CACNB2: variants seen among roughly 807,000 people sequenced by gnomAD.
CACNB2 encodes calcium voltage-gated channel auxiliary subunit beta 2, also known as voltage-dependent L-type calcium channel subunit beta-2.
CACNB2 carries 42 observed loss-of-function variants against 73.3 expected under a neutral mutation model. The observed-to-expected ratio is 0.57, with a 90% confidence interval of 0.45 to 0.74. CACNB2 has a LOEUF of 0.74. Ranked by LOEUF, CACNB2 falls within the 30% of genes least tolerant of loss-of-function variation. CACNB2 has a pLI of 0.00. For missense variants in CACNB2, 940 were observed against 853.0 expected (o/e 1.10, Z -1.27); for synonymous variants, 348 against 310.3 (o/e 1.12, Z -1.28).
intron 2 of CACNB2, among the ~76,000 whole-genome samples, chr10:18,389,206 AGTTCACT>A (rs2043359939): frequency 6.6e-6 from 1 of 152,164 alleles, no homozygotes; most frequent in Non-Finnish European, 1.5e-5. Flanking sequence ...TGGCATGATC[AGTTCACT>A]GTAGCCTTGA....
At chr10:18,303,947 T>G (rs1385037425) in intron 2 of CACNB2, among the ~76,000 whole-genome samples, 1 of 152,156 alleles carries the variant, frequency 6.6e-6, no homozygotes, top group African/African-American at 2.4e-5. Flanking sequence ...CCGCCAGTGT[T>G]TTTATTTTTT....
intron 2 of CACNB2, among the ~76,000 whole-genome samples, chr10:18,287,192 G>A (rs1351563756): frequency 6.6e-6 from 1 of 152,002 alleles, no homozygotes; most frequent in Admixed American, 6.6e-5. Context: ...AACCAGGCAT[G>A]GTGGCTTGTG....
intron 2 of CACNB2, among the ~76,000 whole-genome samples, chr10:18,320,566 C>A (rs1019643652): frequency 6.6e-6 from 1 of 152,120 alleles, no homozygotes; most frequent in Non-Finnish European, 1.5e-5. Context: ...ATTTAGACTG[C>A]GGGGACATAA....
intron 2 of CACNB2, among the ~76,000 whole-genome samples, chr10:18,365,019 T>A (rs1481180476): frequency 6.6e-6 from 1 of 152,152 alleles, no homozygotes; most frequent in South Asian, 2.1e-4. Context: ...TAGAAAGAGG[T>A]GTATAAATTA....
chr10:18,374,636 G>A (rs2042720314), intron 2 of CACNB2, among the ~76,000 whole-genome samples: 1 of 152,156 alleles, frequency 6.6e-6, no homozygotes, highest in Non-Finnish European at 1.5e-5. Flanking sequence ...ATCTTTTGAA[G>A]TCCTTTGTCA....
At chr10:18,223,148 C>A (rs2035859119) in intron 2 of CACNB2, among the ~76,000 whole-genome samples, 1 of 152,138 alleles carries the variant, frequency 6.6e-6, no homozygotes, top group African/African-American at 2.4e-5. Flanking sequence ...GGATTTTGAG[C>A]ATTGCTAATT....
intron 10 of CACNB2, among the ~76,000 whole-genome samples, chr10:18,529,969 G>C (rs1051170448): frequency 3.9e-5 from 6 of 152,200 alleles, no homozygotes; most frequent in Non-Finnish European, 1.5e-5. Flanking sequence ...GACAGTGAAG[G>C]AGGAGCAAAG....
chr10:18,164,473 G>A (rs1024252453), intron 2 of CACNB2, among the ~76,000 whole-genome samples: 1 of 152,086 alleles, frequency 6.6e-6, no homozygotes, highest in Non-Finnish European at 1.5e-5. Context: ...AGAAGAATTG[G>A]TTAGTGTGTG....
chr10:18,365,837 A>G (rs1414508244), intron 2 of CACNB2, among the ~76,000 whole-genome samples: 4 of 152,152 alleles, frequency 2.6e-5, no homozygotes, highest in Non-Finnish European at 5.9e-5. Flanking sequence ...AATTATTCAC[A>G]ATGTGAAGGA....
At chr10:18,191,816 C>G (rs1455911392) in intron 2 of CACNB2, among the ~76,000 whole-genome samples, 2 of 152,166 alleles carry the variant, frequency 1.3e-5, no homozygotes, top group African/African-American at 2.4e-5. Flanking sequence ...AAATATACCA[C>G]AGTTTTTTTA....
intron 2 of CACNB2, among the ~76,000 whole-genome samples, chr10:18,157,937 A>G (rs1475210466): frequency 2.0e-5 from 3 of 152,160 alleles, no homozygotes; most frequent in East Asian, 1.9e-4. Flanking sequence ...TTAGATCGGC[A>G]TAATTCCCTT....
At chr10:18,322,129 C>T (rs2040420162) in intron 2 of CACNB2, among the ~76,000 whole-genome samples, 1 of 152,220 alleles carries the variant, frequency 6.6e-6, no homozygotes, top group South Asian at 2.1e-4. Flanking sequence ...CCACTCCAGC[C>T]TGGGCAAGAG....
At chr10:18,353,435 A>G (rs1208860808) in intron 2 of CACNB2, among the ~76,000 whole-genome samples, 3 of 152,184 alleles carry the variant, frequency 2.0e-5, no homozygotes, top group Non-Finnish European at 2.9e-5. Context: ...TTATGATTCT[A>G]TATGAAACGT....
intron 2 of CACNB2, among the ~76,000 whole-genome samples, chr10:18,189,327 C>A (rs971645770): frequency 6.6e-6 from 1 of 151,956 alleles, no homozygotes; most frequent in African/African-American, 2.4e-5. Context: ...ATGAGAAATT[C>A]AAAAATAATA....
chr10:18,388,882 A>G (rs1178654092), intron 2 of CACNB2, among the ~76,000 whole-genome samples: 1 of 152,156 alleles, frequency 6.6e-6, no homozygotes, highest in Non-Finnish European at 1.5e-5. Context: ...TCATGTGCAT[A>G]AAGAGGCTTT....
intron 2 of CACNB2, among the ~76,000 whole-genome samples, chr10:18,359,980 A>G (rs548573598): frequency 6.6e-6 from 1 of 152,330 alleles, no homozygotes; most frequent in South Asian, 2.1e-4. Context: ...AAATTAAGCC[A>G]TAAACATAGG....
At chr10:18,191,017 G>T (rs1331321193) in intron 2 of CACNB2, among the ~76,000 whole-genome samples, 1 of 152,234 alleles carries the variant, frequency 6.6e-6, no homozygotes, top group African/African-American at 2.4e-5. Context: ...CGCAAGCTGT[G>T]AATAGGCTGC....
chr10:18,473,772 T>C (rs1377537013), intron 3 of CACNB2, among the ~76,000 whole-genome samples: 1 of 152,236 alleles, frequency 6.6e-6, no homozygotes, highest in African/African-American at 2.4e-5. Flanking sequence ...AATATACTTA[T>C]CTTTTCCTAG....
intron 2 of CACNB2, among the ~76,000 whole-genome samples, chr10:18,243,053 A>T (rs73597558): frequency 0.037 from 5,657 of 151,714 alleles, 243 homozygotes; most frequent in African/African-American, 0.1. Context: ...AGTCTTGAAC[A>T]TATATTGAGA....
Sources: gnomAD v4.1 joint callset for allele counts (sites outside exome capture counted in the v4.1 genomes callset) on GRCh38, gnomAD v4.1.1 for gene constraint, MANE v1.5 for transcripts, NCBI Gene and HGNC (gene_info 2026-07-23, HGNC 2026-07-21) for gene names.